The following RPS6KC1 variants were observed in gnomAD, a reference collection of about 807,000 sequenced individuals.
The protein encoded by RPS6KC1 is ribosomal protein S6 kinase C1, also known as inactive ribosomal protein S6 kinase delta-1.
A neutral mutation model predicts 103.8 loss-of-function variants in RPS6KC1; 54 were observed. That is an observed-to-expected ratio of 0.52 (90% CI 0.42 to 0.65). The LOEUF is 0.65. Among genes scored for constraint, RPS6KC1 ranks in the 30% least tolerant of loss-of-function variants. The probability of loss-of-function intolerance (pLI) is 0.00; values close to 1 mark genes in which losing one functional copy is unlikely to be tolerated. For missense variants in RPS6KC1, 1,151 were observed against 1,253.8 expected, an observed-to-expected ratio of 0.92 and a Z score of 1.24; for synonymous variants, 439 against 438.7, an observed-to-expected ratio of 1.00 and a Z score of -0.01.
At chr1:213,691,703 T>G in the RPS6KC1 span, among the ~76,000 whole-genome samples, 7 of 152,168 alleles carry the variant, frequency 4.6e-5, no homozygotes, top group Admixed American at 1.3e-4. Context: ...GGGGAAATTG[T>G]GTTTTCTTCT....
intron 3 of RPS6KC1, among the ~76,000 whole-genome samples, chr1:213,089,481 G>A: frequency 6.8e-6 from 1 of 147,766 alleles, no homozygotes; most frequent in East Asian, 2.0e-4. Context: ...TTTTTTTTAA[G>A]ATGGAGTTTT....
intron 8 of RPS6KC1, among the ~76,000 whole-genome samples, chr1:213,183,006 TAAAG>T (rs1326910007): frequency 6.6e-6 from 1 of 151,118 alleles, no homozygotes; most frequent in Non-Finnish European, 1.5e-5. Context: ...ATGCAAACAT[TAAAG>T]AAAACAGGAG....
chr1:213,675,892 A>T, the RPS6KC1 span, among the ~76,000 whole-genome samples: 1 of 152,018 alleles, frequency 6.6e-6, no homozygotes, highest in Non-Finnish European at 1.5e-5. Flanking sequence ...ATTTTTTTTA[A>T]AAAAGTATAC....
At chr1:213,406,682 A>G in the RPS6KC1 span, among the ~76,000 whole-genome samples, 130 of 152,314 alleles carry the variant, frequency 8.5e-4, no homozygotes, top group Non-Finnish European at 1.6e-3. Context: ...ACAGCCAGCA[A>G]CAGCAACCCC....
At chr1:213,489,980 C>T in the RPS6KC1 span, among the ~76,000 whole-genome samples, 12 of 152,152 alleles carry the variant, frequency 7.9e-5, no homozygotes, top group Middle Eastern at 3.4e-3. Flanking sequence ...AACATGATCA[C>T]GTTTATTTCC....
chr1:213,504,088 C>T, the RPS6KC1 span, among the ~76,000 whole-genome samples: 8 of 151,902 alleles, frequency 5.3e-5, no homozygotes, highest in African/African-American at 1.2e-4. Flanking sequence ...ATATATAGAA[C>T]GGTTTTCACA....
At chr1:213,055,427 G>A (rs566995652) in intron 1 of RPS6KC1, among the ~76,000 whole-genome samples, 18 of 151,410 alleles carry the variant, frequency 1.2e-4, no homozygotes, top group Non-Finnish European at 2.6e-4. Context: ...ATATTCCATT[G>A]TATGGTTATA....
chr1:213,450,560 G>A, the RPS6KC1 span, among the ~76,000 whole-genome samples: 1 of 152,160 alleles, frequency 6.6e-6, no homozygotes, highest in Admixed American at 6.5e-5. Context: ...CATCTTGAGA[G>A]ACCAATCAAG....
the RPS6KC1 span, among the ~76,000 whole-genome samples, chr1:213,610,884 A>G: frequency 6.6e-6 from 1 of 152,240 alleles, no homozygotes; most frequent in African/African-American, 2.4e-5. Flanking sequence ...AGGAACAATG[A>G]AGACCCTTTC....
chr1:213,113,752 G>A (rs1442312314), intron 4 of RPS6KC1, among the ~76,000 whole-genome samples: 1 of 152,030 alleles, frequency 6.6e-6, no homozygotes, highest in Middle Eastern at 3.2e-3. Flanking sequence ...TGTAAGGAAG[G>A]GATCCAGTTT....
chr1:213,123,023 G>A (rs989643319), intron 5 of RPS6KC1, among the ~76,000 whole-genome samples: 8 of 152,084 alleles, frequency 5.3e-5, no homozygotes, highest in Admixed American at 1.3e-4. Context: ...GAAAATTCAT[G>A]GTATGCCATG....
chr1:213,565,540 C>T, the RPS6KC1 span, among the ~76,000 whole-genome samples: 12 of 152,134 alleles, frequency 7.9e-5, no homozygotes, highest in African/African-American at 2.9e-4. Context: ...ATGTGCAACT[C>T]TAGCGCAATA....
At chr1:213,517,462 G>A in the RPS6KC1 span, among the ~76,000 whole-genome samples, 1 of 152,104 alleles carries the variant, frequency 6.6e-6, no homozygotes, top group African/African-American at 2.4e-5. Flanking sequence ...GAACATCTTT[G>A]TTTCTGCCTT....
intron 6 of RPS6KC1, among the ~76,000 whole-genome samples, chr1:213,166,823 A>C (rs2091007931): frequency 1.3e-5 from 2 of 152,226 alleles, no homozygotes; most frequent in African/African-American, 4.8e-5. Flanking sequence ...TCAGGGAAAG[A>C]AGGGCAGGAA....
At chr1:213,565,252 T>C in the RPS6KC1 span, among the ~76,000 whole-genome samples, 1 of 152,212 alleles carries the variant, frequency 6.6e-6, no homozygotes, top group Non-Finnish European at 1.5e-5. Flanking sequence ...GACTTAGCAA[T>C]TCTACTCTCA....
chr1:213,171,773 A>G lies in RPS6KC1; in HGVS notation c.951+3800A>G, dbSNP rs1032280291. On this transcript the variant is annotated intron_variant, in intron 7 of 14. Coordinates refer to ENST00000366960, the MANE Select transcript of RPS6KC1 (RefSeq NM_012424.6). ...AGTGAGACATTTGCTTAAGTCAGTA[A>G]TAGGTCTGCAATTTAGTGTCAGGCT... Among the ~76,000 whole-genome samples the G allele has an allele frequency of 3.3e-5, 5 of 152,292 alleles. 1 individual carries two copies. In the South Asian group the frequency reaches 1.0e-3, roughly 32 times the overall value.
At chr1:213,621,853 G>A in the RPS6KC1 span, among the ~76,000 whole-genome samples, 6 of 152,286 alleles carry the variant, frequency 3.9e-5, no homozygotes, top group African/African-American at 7.2e-5. Context: ...TTAGGAGAAC[G>A]TGATGCCCTA....
At chr1:213,833,539 G>A in the RPS6KC1 span, among the ~76,000 whole-genome samples, 1 of 152,150 alleles carries the variant, frequency 6.6e-6, no homozygotes, top group African/African-American at 2.4e-5. Flanking sequence ...CTCTCTGTGT[G>A]TCTTTGACTC....
the RPS6KC1 span, among the ~76,000 whole-genome samples, chr1:213,812,521 T>G: frequency 2.6e-5 from 4 of 152,146 alleles, no homozygotes; most frequent in African/African-American, 7.2e-5. Flanking sequence ...AGCCTATGAA[T>G]TTTTTTTCTT....
Sources: allele counts gnomAD v4.1 joint callset (sites outside exome capture counted in the v4.1 genomes callset), GRCh38; gene constraint gnomAD v4.1.1; transcripts MANE v1.5; gene names NCBI Gene and HGNC (gene_info 2026-07-23, HGNC 2026-07-21).